The following WNT16 variants were observed in gnomAD, a reference collection of about 807,000 sequenced individuals.
WNT16 encodes the protein Wnt family member 16.
WNT16 carries 20 observed loss-of-function variants against 35.4 expected under a neutral mutation model. That is an observed-to-expected ratio of 0.56 (90% CI 0.40 to 0.82). The LOEUF is 0.82. Among genes scored for constraint, WNT16 ranks in the 40% least tolerant of loss-of-function variants. The probability of loss-of-function intolerance (pLI) is 0.00; values close to 1 mark genes in which losing one functional copy is unlikely to be tolerated. For synonymous variants in WNT16, 180 were observed against 179.2 expected (o/e 1.00, Z -0.03); for missense variants, 461 against 466.0 (o/e 0.99, Z 0.10).
At chr7:121,336,741 A>G (rs1793452083) in intron 3 of WNT16, among the ~76,000 whole-genome samples, 2 of 152,210 alleles carry the variant, frequency 1.3e-5, no homozygotes, top group African/African-American at 2.4e-5. Context: ...CAATTACTCA[A>G]TAAGTATTTG....
At position 121,331,796 on chromosome 7, in the gene WNT16, C is replaced by G. The variant is rs934853239; in HGVS notation, c.465C>G (p.Asn155Lys). Residue 155 changes from asparagine (N) to lysine (K), a missense_variant, in exon 3 of 4, where the codon AAC becomes AAG. Coordinates refer to ENST00000222462, the MANE Select transcript of WNT16 (RefSeq NM_057168.2). ...GTTCCTGTGACACCACCTTGCAGAA[C>G]GGCGGCTCAGCAAGTGAAGGCTGGC... ...TECSCDTTLQ[N>K]GGSASEGWHW... 1.2e-6 allele frequency: 2 copies of G among 1,614,216 alleles called. No individual in the cohort carries two copies. Among genetic ancestry groups the G allele is most frequent in the Non-Finnish European group, 1.7e-6 (2 of 1,180,044 alleles).
intron 3 of WNT16, among the ~76,000 whole-genome samples, chr7:121,335,986 TTGTGTG>T (rs36224614): frequency 0.049 from 6,824 of 140,196 alleles, 262 homozygotes; most frequent in South Asian, 0.14. Flanking sequence ...GAATTAAACT[TTGTGTG>T]TGTGTGTGTG....
At chr7:121,336,411 T>G (rs778828138) in intron 3 of WNT16, among the ~76,000 whole-genome samples, 49 of 152,210 alleles carry the variant, frequency 3.2e-4, no homozygotes, top group Non-Finnish European at 6.2e-4. Context: ...ATAAATTCCA[T>G]GTATGTATTC....
intron 3 of WNT16, 151 bp from the exon 4 acceptor site, chr7:121,338,730 C>T (rs140353854): frequency 2.6e-5 from 19 of 742,744 alleles, no homozygotes; most frequent in African/African-American, 1.1e-4. Context: ...TTGAAGCCTA[C>T]GCAATTTTAA....
At chr7:121,328,915 C>A, upstream of WNT16, 1 of 542,464 alleles carries the variant, frequency 1.8e-6, no homozygotes, top group Non-Finnish European at 2.4e-6. Flanking sequence ...GATGCGGGGC[C>A]GCTGCTCAGC....
upstream of WNT16, among the ~76,000 whole-genome samples, chr7:121,327,339 C>T (rs1052929779): frequency 2.0e-5 from 3 of 147,378 alleles, no homozygotes; most frequent in African/African-American, 4.9e-5. Flanking sequence ...GCAGCTAATG[C>T]TATCTAATCC....
chr7:121,325,688 T>C (rs986660511), upstream of WNT16, among the ~76,000 whole-genome samples: 1 of 151,910 alleles, frequency 6.6e-6, no homozygotes, highest in African/African-American at 2.4e-5. Context: ...TCTCTCTCTA[T>C]ACACACACAC....
chr7:121,332,627 T>G (rs928801265), intron 3 of WNT16, among the ~76,000 whole-genome samples: 3 of 152,200 alleles, frequency 2.0e-5, no homozygotes, highest in African/African-American at 7.2e-5. Context: ...TACCTTTTTC[T>G]AGCAAACCTT....
intron 3 of WNT16, among the ~76,000 whole-genome samples, chr7:121,332,493 A>G (rs890343224): frequency 6.6e-6 from 1 of 152,194 alleles, no homozygotes; most frequent in African/African-American, 2.4e-5. Flanking sequence ...TAGGGTCTAC[A>G]GTATCTGCCT....
intron 3 of WNT16, among the ~76,000 whole-genome samples, chr7:121,335,226 A>G (rs1232093783): frequency 6.6e-6 from 1 of 152,134 alleles, no homozygotes; most frequent in Non-Finnish European, 1.5e-5. Flanking sequence ...TAATTTACTG[A>G]AAAACAATCG....
chr7:121,325,589 C>T, upstream of WNT16: 6 of 1,038,402 alleles, frequency 5.8e-6, no homozygotes, highest in Non-Finnish European at 8.3e-6. Flanking sequence ...AAATTTTGAC[C>T]CAAAGACACG....
Position 121,329,340 on chromosome 7 carries a change from G to A in WNT16, c.48G>A (p.Trp16Ter), listed in dbSNP as rs540219115. 7.5e-6 allele frequency: 12 copies of A among 1,603,630 alleles called. No individual in the cohort carries two copies. Among genetic ancestry groups the A allele is most frequent in the Non-Finnish European group, 9.4e-6 (11 of 1,175,212 alleles). ...LLGLARLCAL[W>*]AALLVLFPYG... Reference sequence around the variant, plus strand: ...GACTGGCCCGCTTGTGCGCGCTGTGGGCAGCCCTGCTCGTGCTGTTCCCCT... The same window carrying A: ...GACTGGCCCGCTTGTGCGCGCTGTGAGCAGCCCTGCTCGTGCTGTTCCCCT... The change falls in exon 1 of 4, where the codon TGG (tryptophan) becomes TGA (stop). Residue 16 changes from tryptophan to a stop codon, truncating the protein, a stop_gained. Transcript: ENST00000222462. LOFTEE classifies it high-confidence loss of function.
In WNT16 at chr7:121,331,664, T is replaced by A. The variant is rs1405455215; in HGVS notation, c.347-14T>A. The A allele has an allele frequency of 6.9e-6, 11 of 1,597,100 alleles. No individual in the cohort carries two copies. Among genetic ancestry groups the A allele is most frequent in the Non-Finnish European group, 8.6e-7 (1 of 1,166,218 alleles). On this transcript the variant is annotated splice_polypyrimidine_tract_variant and intron_variant, in intron 2 of 3. Coordinates refer to ENST00000222462, the MANE Select transcript of WNT16 (RefSeq NM_057168.2). ...TGCCTGGTTCTCTAATTTAGCAATT[T>A]ATATTTTTTCTAGGCACCAAAGAGA...
In WNT16 at chr7:121,332,471, G is replaced by A. The variant is rs373069508; in HGVS notation, c.633+507G>A. 1.3e-4 allele frequency among the ~76,000 whole-genome samples: 20 copies of A among 152,246 alleles called. No individual in the cohort carries two copies. The East Asian group carries it at 2.7e-3, about 21-fold the overall frequency. On this transcript the variant is annotated intron_variant, in intron 3 of 3. Transcript: ENST00000222462. The stretch of plus-strand genomic sequence containing the variant: ...GTTCATTGGTTCTACCCGCTTAGTC[G>A]TGGAGTCAGAATAGGGTCTACAGTA...
At position 121,339,524 on chromosome 7, in the gene WNT16, T is replaced by A; in HGVS notation, c.*179T>A. On this transcript the variant is annotated 3_prime_UTR_variant, in exon 4 of 4. Coordinates refer to ENST00000222462, the MANE Select transcript of WNT16 (RefSeq NM_057168.2). ...TATTTTCCTTTATCTGATCAACCCA[T>A]CAATCATGTGGATTTCTTGGGATTC... 2 of 567,488 alleles carry A rather than the reference T, an allele frequency of 3.5e-6. No individual in the cohort carries two copies. The highest frequency in any genetic ancestry group is 5.5e-5 in the East Asian group (2 of 36,046). The allele number at this position is 567,488 out of a possible 1,614,324, so 35.2% of individuals were successfully genotyped here. A position where few individuals can be genotyped will look rare whatever the true frequency, so the allele number is the denominator to read the frequency against.
Position 121,339,471 on chromosome 7 carries a change from C to CCGCT in WNT16, c.*127_*128insGCTC. ...GCAGTGGAATCCCTAGAACCTTGGA[C>CCGCT]CTGAGAGTTTCCCTTACCTGATCGA... On this transcript the variant is annotated 3_prime_UTR_variant, in exon 4 of 4. Coordinates refer to ENST00000222462, the MANE Select transcript of WNT16 (RefSeq NM_057168.2). 1 of 804,962 alleles carries CCGCT rather than the reference C, an allele frequency of 1.2e-6. No homozygotes were observed. The highest frequency in any genetic ancestry group is 1.8e-5 in the South Asian group (1 of 54,900). 49.9% of individuals were successfully genotyped at this position (804,962 alleles called of 1,614,324 possible). A position where few individuals can be genotyped will look rare whatever the true frequency, so the allele number is the denominator to read the frequency against.
In WNT16 at chr7:121,332,391, T is replaced by C. The variant is rs980697328; in HGVS notation, c.633+427T>C. ...GTTATAGCATGTGTTTGTGGTTGTA[T>C]ACTGTGTATATCTAAAACTTTGATA... On this transcript the variant is annotated intron_variant, in intron 3 of 3. Transcript: ENST00000222462. Among the ~76,000 whole-genome samples the C allele has an allele frequency of 3.8e-4, 58 of 152,348 alleles. 1 individual carries two copies. Among genetic ancestry groups the C allele is most frequent in the Admixed American group, 4.6e-4 (7 of 15,308 alleles).
intron 3 of WNT16, among the ~76,000 whole-genome samples, chr7:121,332,342 TCTAA>T (rs762584750): frequency 2.9e-4 from 44 of 152,338 alleles, no homozygotes; most frequent in East Asian, 5.8e-4. Context: ...ATTTTGGTTC[TCTAA>T]CTGATATGAG....
At chr7:121,328,991 G>A (rs1793289080), upstream of WNT16, 6 of 1,120,206 alleles carry the variant, frequency 5.4e-6, no homozygotes, top group Middle Eastern at 3.6e-4. Context: ...ATGGAGACGC[G>A]GATACATCAA....
Sources: gnomAD v4.1 joint callset for allele counts (sites outside exome capture counted in the v4.1 genomes callset) on GRCh38, gnomAD v4.1.1 for gene constraint, MANE v1.5 for transcripts, NCBI Gene and HGNC (gene_info 2026-07-23, HGNC 2026-07-21) for gene names.